NOX3: variants seen among roughly 807,000 people sequenced by gnomAD.
The protein encoded by NOX3 is NADPH oxidase 3, also known as NADPH oxidase catalytic subunit-like 3.
A neutral mutation model predicts 76.7 loss-of-function variants in NOX3; 74 were observed. The ratio of observed to expected loss-of-function variants is 0.96; its 90% CI spans 0.80 to 1.17. The LOEUF (loss-of-function observed/expected upper bound fraction) is 1.17, where lower values mean the gene tolerates loss of function less well. Among genes scored for constraint, NOX3 ranks in the 50% most tolerant of loss-of-function variants. NOX3 has a pLI of 0.00. For missense variants in NOX3, 695 were observed against 703.3 expected, an observed-to-expected ratio of 0.99 and a Z score of 0.13; for synonymous variants, 263 against 261.1, an observed-to-expected ratio of 1.01 and a Z score of -0.07.
chr6:155,428,211 G>A (rs1776781950), intron 9 of NOX3, among the ~76,000 whole-genome samples: 1 of 152,230 alleles, frequency 6.6e-6, no homozygotes, highest in Non-Finnish European at 1.5e-5. Flanking sequence ...ATAGAGTGAT[G>A]CTGTGGGTTG....
At chr6:155,442,212 C>G (rs554546957) in intron 5 of NOX3, among the ~76,000 whole-genome samples, 1 of 151,870 alleles carries the variant, frequency 6.6e-6, no homozygotes, top group Non-Finnish European at 1.5e-5. Context: ...TGCAGTGAGC[C>G]GTGATCGCAC....
intron 10 of NOX3, among the ~76,000 whole-genome samples, chr6:155,422,105 C>T (rs1582935139): frequency 6.6e-6 from 1 of 152,178 alleles, no homozygotes; most frequent in East Asian, 1.9e-4. Flanking sequence ...TACCATTGCT[C>T]TAGTGCCTGC....
At chr6:155,400,079 C>T (rs1055659043) in intron 12 of NOX3, among the ~76,000 whole-genome samples, 4 of 152,158 alleles carry the variant, frequency 2.6e-5, no homozygotes, top group Admixed American at 1.3e-4. Context: ...AGAAAATTCT[C>T]CTTTCCCTCT....
intron 9 of NOX3, among the ~76,000 whole-genome samples, chr6:155,425,650 T>G (rs1178082076): frequency 6.6e-6 from 1 of 152,346 alleles, no homozygotes; most frequent in Middle Eastern, 3.4e-3. Context: ...TGGACTGTTA[T>G]GTGTGATCCT....
intron 4 of NOX3, among the ~76,000 whole-genome samples, chr6:155,451,229 C>T (rs2114710586): frequency 6.6e-6 from 1 of 152,172 alleles, no homozygotes; most frequent in Middle Eastern, 3.4e-3. Flanking sequence ...TCCACCCGCC[C>T]CGGCCTCCCA....
At chr6:155,455,728 G>C in intron 1 of NOX3, 25 bp downstream of exon 1, 1 of 1,577,420 alleles carries the variant, frequency 6.3e-7, no homozygotes, top group Non-Finnish European at 8.7e-7. Context: ...TATATTTAAA[G>C]TTGAATAACA....
At chr6:155,449,961 G>A (rs1267881820) in intron 4 of NOX3, among the ~76,000 whole-genome samples, 1 of 152,228 alleles carries the variant, frequency 6.6e-6, no homozygotes, top group Non-Finnish European at 1.5e-5. Flanking sequence ...CCTCCCAAAA[G>A]CGCAGTTGCC....
chr6:155,404,023 A>G (rs1779268249), intron 12 of NOX3, among the ~76,000 whole-genome samples: 1 of 152,218 alleles, frequency 6.6e-6, no homozygotes, highest in Admixed American at 6.5e-5. Context: ...CTGAAAACCA[A>G]GATATAGATG....
intron 7 of NOX3, 43 bp from the exon 8 acceptor site, chr6:155,430,978 T>C (rs1562466642): frequency 1.7e-6 from 2 of 1,205,026 alleles, no homozygotes; most frequent in East Asian, 4.7e-5. Flanking sequence ...GAAATGAAAA[T>C]AGAATCCAAA....
Position 155,428,949 on chromosome 6 carries a change from T to A in NOX3, c.990A>T (p.Ile330=). The change falls in exon 9 of 14, where the codon ATA becomes ATT. Residue 330 remains isoleucine (I), a synonymous_variant. Transcript: ENST00000159060. The stretch of plus-strand genomic sequence containing the variant: ...TGAAGGGGTGCCACTCCAGCGAAGA[T>A]ATGGCTGGGCACTGCACCAAGATGT... ...GQYILVQCPA[I]SSLEWHPFTL... 6.2e-7 allele frequency: 1 copy of A among 1,614,054 alleles called. No homozygotes were observed. Among genetic ancestry groups the A allele is most frequent in the Non-Finnish European group, 8.5e-7 (1 of 1,179,984 alleles).
rs780580625 is a variant in NOX3, at chr6:155,436,466, C to T, written c.750G>A (p.Gln250=). Residue 250 remains glutamine (Q), a synonymous_variant, in exon 7 of 14, where the codon CAG becomes CAA. Transcript: ENST00000159060. ...TFCRDRYAEW[Q]TVAQCPVPQF... ...GAGGCACGGGGCATTGGGCCACTGTCTGCCATTCTGCATAGCGGTCTCTAC... is the reference window on the plus strand; with the variant it reads ...GAGGCACGGGGCATTGGGCCACTGTTTGCCATTCTGCATAGCGGTCTCTAC... 2 of 1,614,158 alleles carry T rather than the reference C, an allele frequency of 1.2e-6. No individual in the cohort carries two copies. The highest frequency in any genetic ancestry group is 1.7e-6 in the Non-Finnish European group (2 of 1,180,010).
At chr6:155,450,610 C>G (rs1562473531) in intron 4 of NOX3, among the ~76,000 whole-genome samples, 2 of 152,044 alleles carry the variant, frequency 1.3e-5, no homozygotes, top group African/African-American at 4.8e-5. Context: ...TGACCTTAGA[C>G]CCCTCAGAGG....
At chr6:155,450,381 G>C (rs551368203) in intron 4 of NOX3, among the ~76,000 whole-genome samples, 1 of 152,338 alleles carries the variant, frequency 6.6e-6, no homozygotes, top group East Asian at 1.9e-4. Context: ...GACTGCTCAT[G>C]ACTCCCTGAA....
chr6:155,396,513 C>T (rs969473889), intron 13 of NOX3, among the ~76,000 whole-genome samples: 5 of 152,160 alleles, frequency 3.3e-5, no homozygotes, highest in African/African-American at 1.2e-4. Context: ...CCAGCTCGCC[C>T]CCTGAGTGTG....
chr6:155,442,490 G>A (rs113598735), intron 5 of NOX3, among the ~76,000 whole-genome samples: 3 of 152,202 alleles, frequency 2.0e-5, no homozygotes, highest in African/African-American at 4.8e-5. Flanking sequence ...CATTGCTGAA[G>A]TGTATTGCCT....
At chr6:155,446,511 A>G (rs1309526179) in intron 4 of NOX3, among the ~76,000 whole-genome samples, 1 of 152,200 alleles carries the variant, frequency 6.6e-6, no homozygotes, top group African/African-American at 2.4e-5. Context: ...TCGACAGACC[A>G]GTATTCAAAG....
At chr6:155,433,416 A>G (rs1776859804) in intron 7 of NOX3, among the ~76,000 whole-genome samples, 1 of 152,202 alleles carries the variant, frequency 6.6e-6, no homozygotes, top group African/African-American at 2.4e-5. Flanking sequence ...GCCGTGTGTC[A>G]AAGTAGATGC....
chr6:155,442,729 A>G (rs1007028351), intron 5 of NOX3, among the ~76,000 whole-genome samples: 6 of 152,248 alleles, frequency 3.9e-5, no homozygotes, highest in African/African-American at 1.4e-4. Flanking sequence ...ACAGGTAATT[A>G]GCATTAATGA....
intron 4 of NOX3, among the ~76,000 whole-genome samples, chr6:155,450,018 G>A (rs2114709789): frequency 6.6e-6 from 1 of 152,318 alleles, no homozygotes; most frequent in South Asian, 2.1e-4. Context: ...GCTTTGTCAG[G>A]GTTTGGGAGA....
Sources: gnomAD v4.1 joint callset for allele counts (sites outside exome capture counted in the v4.1 genomes callset) on GRCh38, gnomAD v4.1.1 for gene constraint, MANE v1.5 for transcripts, NCBI Gene and HGNC (gene_info 2026-07-23, HGNC 2026-07-21) for gene names.